Variants in BLTP3B observed in about 807,000 individuals in gnomAD.
BLTP3B encodes the protein bridge-like lipid transfer protein family member 3B, also known as UHRF1 (ICBP90) binding protein 1-like.
the BLTP3B span, chr12:100,050,387 G>A: frequency 1.5e-6 from 2 of 1,374,762 alleles, no homozygotes; most frequent in East Asian, 2.5e-5. Context: ...AAATAATATA[G>A]GAAACTACCA....
chr12:100,074,825 C>A, the BLTP3B span, among the ~76,000 whole-genome samples: 1 of 151,990 alleles, frequency 6.6e-6, no homozygotes, highest in African/African-American at 2.4e-5. Context: ...GGTACTGATA[C>A]AAAAACAGAG....
chr12:100,142,865 T>A, the BLTP3B span: 2 of 483,276 alleles, frequency 4.1e-6, no homozygotes, highest in Non-Finnish European at 7.1e-6. Context: ...CAGCATCACC[T>A]AAGAGACTCG....
chr12:100,108,395 C>T, the BLTP3B span: 39 of 1,611,326 alleles, frequency 2.4e-5, no homozygotes, highest in African/African-American at 3.3e-4. Context: ...CCCTAATGGA[C>T]GCTTTATTAC....
chr12:100,092,994 T>G, the BLTP3B span: 1 of 982,834 alleles, frequency 1.0e-6, no homozygotes, highest in South Asian at 4.7e-5. Context: ...CTTTTCTCTC[T>G]TCCTTATCCT....
At chr12:100,091,374 G>A in the BLTP3B span, among the ~76,000 whole-genome samples, 1 of 151,458 alleles carries the variant, frequency 6.6e-6, no homozygotes, top group Non-Finnish European at 1.5e-5. Context: ...TTTTTTAGTA[G>A]AGACAGGGTT....
chr12:100,110,349 T>C, the BLTP3B span, among the ~76,000 whole-genome samples: 1 of 152,190 alleles, frequency 6.6e-6, no homozygotes, highest in Non-Finnish European at 1.5e-5. Context: ...ATTTGACCAA[T>C]GATGCTGAGC....
chr12:100,091,708 T>C, the BLTP3B span, among the ~76,000 whole-genome samples: 1 of 151,296 alleles, frequency 6.6e-6, no homozygotes, highest in Admixed American at 6.6e-5. Flanking sequence ...TTTCACCGTG[T>C]TAGCCAGGAT....
chr12:100,132,664 TG>T, the BLTP3B span, among the ~76,000 whole-genome samples: 1 of 152,278 alleles, frequency 6.6e-6, no homozygotes, highest in South Asian at 2.1e-4. Flanking sequence ...ACCTATTTTT[TG>T]GCCGGGTGTG....
At chr12:100,062,942 A>G in the BLTP3B span, among the ~76,000 whole-genome samples, 1 of 151,948 alleles carries the variant, frequency 6.6e-6, no homozygotes, top group Non-Finnish European at 1.5e-5. Flanking sequence ...GCCCAGGCAC[A>G]GAGTGAGGCT....
chr12:100,064,410 G>A, the BLTP3B span, among the ~76,000 whole-genome samples: 4 of 152,122 alleles, frequency 2.6e-5, no homozygotes, highest in African/African-American at 9.7e-5. Context: ...TACAGACCTA[G>A]ACATCCAAAC....
At chr12:100,122,574 T>C in the BLTP3B span, among the ~76,000 whole-genome samples, 40 of 152,338 alleles carry the variant, frequency 2.6e-4, no homozygotes, top group Non-Finnish European at 3.8e-4. Context: ...ACTTAGCATA[T>C]ATTCCAGGCA....
the BLTP3B span, chr12:100,060,056 G>A: frequency 6.5e-7 from 1 of 1,546,176 alleles, no homozygotes; most frequent in South Asian, 1.2e-5. Context: ...GTGGAGACAA[G>A]ATGTTTTTTA....
the BLTP3B span, among the ~76,000 whole-genome samples, chr12:100,066,988 A>G: frequency 6.6e-6 from 1 of 152,128 alleles, no homozygotes; most frequent in African/African-American, 2.4e-5. Context: ...TATATCAAGC[A>G]CTCTCTCAGA....
At chr12:100,118,060 C>T in the BLTP3B span, among the ~76,000 whole-genome samples, 1 of 151,708 alleles carries the variant, frequency 6.6e-6, no homozygotes, top group African/African-American at 2.4e-5. Flanking sequence ...TTGAAATTGG[C>T]ATTTCTCTTG....
At chr12:100,064,711 TAC>T in the BLTP3B span, among the ~76,000 whole-genome samples, 1 of 152,020 alleles carries the variant, frequency 6.6e-6, no homozygotes, top group Non-Finnish European at 1.5e-5. Context: ...CAAGTAAAGA[TAC>T]AGTGTTTTTC....
At chr12:100,093,869 T>C in the BLTP3B span, among the ~76,000 whole-genome samples, 1 of 152,214 alleles carries the variant, frequency 6.6e-6, no homozygotes, top group African/African-American at 2.4e-5. Context: ...GAAAATATCA[T>C]GATCTTTAAA....
chr12:100,107,902 AT>A, the BLTP3B span, among the ~76,000 whole-genome samples: 2 of 151,780 alleles, frequency 1.3e-5, no homozygotes, highest in African/African-American at 4.8e-5. Context: ...ATGTTGGGCT[AT>A]TTTTTTATTT....
the BLTP3B span, among the ~76,000 whole-genome samples, chr12:100,125,005 T>A: frequency 5.9e-5 from 8 of 135,178 alleles, no homozygotes; most frequent in African/African-American, 1.3e-4. Context: ...AAGGTCCATA[T>A]ATATATATAT....
At chr12:100,051,296 CA>C in the BLTP3B span, 1 of 1,313,628 alleles carries the variant, frequency 7.6e-7, no homozygotes. Context: ...GCTTATTTAA[CA>C]AAAATGGACT....
Sources: gnomAD v4.1 joint callset for allele counts (sites outside exome capture counted in the v4.1 genomes callset) on GRCh38, gnomAD v4.1.1 for gene constraint, MANE v1.5 for transcripts, NCBI Gene and HGNC (gene_info 2026-07-23, HGNC 2026-07-21) for gene names.